The following ZNF300 variants were observed in gnomAD, a reference collection of about 807,000 sequenced individuals.
ZNF300 encodes the protein zinc finger protein 300.
A neutral mutation model predicts 13.9 loss-of-function variants in ZNF300; 6 were observed. That is an observed-to-expected ratio of 0.43 (90% confidence interval 0.24 to 0.85). The LOEUF (loss-of-function observed/expected upper bound fraction) is 0.85. Ranked by LOEUF, ZNF300 falls within the 40% of genes least tolerant of loss-of-function variation. The pLI, the probability that ZNF300 is intolerant of heterozygous loss-of-function variation, is 0.25. For synonymous variants in ZNF300, 237 were observed against 242.2 expected, an observed-to-expected ratio of 0.98 and a Z score of 0.20; for missense variants, 662 against 714.2, an observed-to-expected ratio of 0.93 and a Z score of 0.83.
intron 4 of ZNF300, 89 bp downstream of exon 4, chr5:150,898,339 C>A: frequency 6.2e-7 from 1 of 1,606,870 alleles, no homozygotes; most frequent in South Asian, 1.1e-5. Flanking sequence ...AAAGTCATGA[C>A]ATATGTCAGG....
At chr5:150,897,211 A>C in intron 5 of ZNF300, 1 of 389,100 alleles carries the variant, frequency 2.6e-6, no homozygotes, top group Non-Finnish European at 4.6e-6. Context: ...GTGGGGTCTC[A>C]TCACTAATTT....
intron 3 of ZNF300, among the ~76,000 whole-genome samples, chr5:150,900,279 G>A (rs1251274407): frequency 1.3e-5 from 2 of 151,876 alleles, no homozygotes; most frequent in Non-Finnish European, 2.9e-5. Flanking sequence ...AACCTTAGTC[G>A]ACCTTTCCAT....
At chr5:150,898,015 C>T in intron 5 of ZNF300, 47 bp downstream of exon 5, 1 of 1,586,628 alleles carries the variant, frequency 6.3e-7, no homozygotes, top group Non-Finnish European at 8.6e-7. Context: ...AAACATAAAC[C>T]TCAGGCACCA....
At chr5:150,899,410 CATTTT>C (rs1397058402) in intron 3 of ZNF300, among the ~76,000 whole-genome samples, 6 of 151,236 alleles carry the variant, frequency 4.0e-5, no homozygotes, top group Admixed American at 3.3e-4. Context: ...TTTGTAAGTA[CATTTT>C]TTTTTAAAAA....
intron 3 of ZNF300, 104 bp from the exon 4 acceptor site, chr5:150,898,658 G>GA (rs1754886458): frequency 3.0e-6 from 4 of 1,318,924 alleles, no homozygotes; most frequent in South Asian, 1.8e-5. Context: ...TAGTTTTTGG[G>GA]AAAAACAAAA....
intron 3 of ZNF300, among the ~76,000 whole-genome samples, chr5:150,899,247 A>G (rs1312516312): frequency 6.6e-6 from 1 of 152,060 alleles, no homozygotes; most frequent in Non-Finnish European, 1.5e-5. Context: ...TGTCACAGCA[A>G]TCCTAGCAAA....
In ZNF300 at chr5:150,898,069, C is replaced by G; in HGVS notation, c.258G>C (p.Gly86=). Residue 86 remains glycine, a synonymous_variant, in exon 5 of 6, where the codon GGG becomes GGC. Coordinates refer to ENST00000274599, the MANE Select transcript of ZNF300 (RefSeq NM_052860.4). ...WIYPDEYQAD[G]RQDRKSNLHN... ...AATTGATATTTCACTTCCCTTGTCT[C>G]CCATCTGCCTGATATTCATCTGGAT... The G allele has an allele frequency of 6.2e-7, 1 of 1,610,362 alleles. No individual in the cohort carries two copies. Among genetic ancestry groups the G allele is most frequent in the Non-Finnish European group, 8.5e-7 (1 of 1,178,904 alleles).
Position 150,895,430 on chromosome 5 carries a change from T to C in ZNF300, c.1809A>G (p.Lys603=), listed in dbSNP as rs998830152. ...TVHQRIHTVV[K]S is the part of the protein sequence containing the mutation. ...CTTTTCTGTGGCCAGTTCATTATGATTTTACCACTGTGTGAATTCTCTGGT... is the reference window on the plus strand; with the variant it reads ...CTTTTCTGTGGCCAGTTCATTATGACTTTACCACTGTGTGAATTCTCTGGT... The change falls in exon 6 of 6, where the codon AAA becomes AAG. Residue 603 remains lysine, a synonymous_variant. Coordinates refer to ENST00000274599, the MANE Select transcript of ZNF300 (RefSeq NM_052860.4). The C allele has an allele frequency of 3.1e-6, 5 of 1,598,408 alleles. No individual in the cohort carries two copies. Among genetic ancestry groups the C allele is most frequent in the Non-Finnish European group, 3.4e-6 (4 of 1,170,694 alleles).
intron 3 of ZNF300, among the ~76,000 whole-genome samples, chr5:150,902,050 T>C (rs1048936469): frequency 1.3e-5 from 2 of 152,106 alleles, no homozygotes; most frequent in Non-Finnish European, 2.9e-5. Context: ...TCAAAAAAGG[T>C]TTGGAAGGTT....
At chr5:150,898,346 C>T (rs1561757149) in intron 4 of ZNF300, 82 bp downstream of exon 4, 25 of 1,609,346 alleles carry the variant, frequency 1.6e-5, no homozygotes, top group Non-Finnish European at 2.0e-5. Flanking sequence ...TGACATATGT[C>T]AGGAACAATC....
chr5:150,901,058 T>C (rs1581663112), intron 3 of ZNF300, among the ~76,000 whole-genome samples: 1 of 152,038 alleles, frequency 6.6e-6, no homozygotes, highest in South Asian at 2.1e-4. Flanking sequence ...GGGAAGTAGG[T>C]GTTAAAGGCT....
chr5:150,897,242 T>C, intron 5 of ZNF300: 1 of 336,792 alleles, frequency 3.0e-6, no homozygotes, highest in Middle Eastern at 8.1e-4. Context: ...TTCTAGAATA[T>C]TTCACTTCTG....
In ZNF300 at chr5:150,895,517, T is replaced by C; in HGVS notation, c.1722A>G (p.Glu574=). The change falls in exon 6 of 6, where the codon GAA becomes GAG. Residue 574 remains glutamate (E), a synonymous_variant. Coordinates refer to ENST00000274599, the MANE Select transcript of ZNF300 (RefSeq NM_052860.4). ...CACATATAGCACATTGATAGGGTCT[T>C]TCCCCAGTATGAATCCTCTGATGTA... ...LVLHQRIHTG[E]RPYQCAICGK... 1.9e-6 allele frequency: 3 copies of C among 1,613,598 alleles called. No individual in the cohort carries two copies. Among genetic ancestry groups the C allele is most frequent in the Non-Finnish European group, 2.5e-6 (3 of 1,179,742 alleles).
Position 150,898,423 on chromosome 5 carries a change from C to T in ZNF300, c.142+5G>A, listed in dbSNP as rs762894991. 6.2e-7 allele frequency: 1 copy of T among 1,613,396 alleles called. No homozygotes were observed. The highest frequency in any genetic ancestry group is 8.5e-7 in the Non-Finnish European group (1 of 1,179,576). ...CTCTGAGTTATTCAGGGAAGCCATC[C>T]TTACCCATTGAGACCAGGTGGCTGT... On this transcript the variant is annotated splice_donor_5th_base_variant and intron_variant, in intron 4 of 5. Coordinates refer to ENST00000274599, the MANE Select transcript of ZNF300 (RefSeq NM_052860.4).
At chr5:150,901,483 T>G (rs151242368) in intron 3 of ZNF300, among the ~76,000 whole-genome samples, 1 of 152,042 alleles carries the variant, frequency 6.6e-6, no homozygotes, top group Non-Finnish European at 1.5e-5. Context: ...GGCTACTATA[T>G]TAGACAGCAC....
rs1754732408 is a variant in ZNF300 at position 150,895,660 on chromosome 5, C to G, written c.1579G>C (p.Gly527Arg). ...GEKPYICTEC[G>R]KAFSQKSHLP... ...TGGGACTTCTGAGAGAAGGCTTTCC[C>G]ACATTCAGTACATATATAAGGTTTT... The change falls in exon 6 of 6, where the codon GGG becomes CGG. Residue 527 changes from glycine to arginine, a missense_variant. Coordinates refer to ENST00000274599, the MANE Select transcript of ZNF300 (RefSeq NM_052860.4). The G allele has an allele frequency of 6.2e-7, 1 of 1,613,098 alleles. No individual in the cohort carries two copies. The highest frequency in any genetic ancestry group is 1.3e-5 in the African/African-American group (1 of 74,832).
Position 150,896,521 on chromosome 5 carries a change from G to T in ZNF300, c.718C>A (p.Pro240Thr). The T allele has an allele frequency of 1.2e-6, 2 of 1,613,590 alleles. No individual in the cohort carries two copies. Among genetic ancestry groups the T allele is most frequent in the South Asian group, 1.1e-5 (1 of 91,052 alleles). Residue 240 changes from proline (P) to threonine (T), a missense_variant, in exon 6 of 6, where the codon CCT becomes ACT. Transcript: ENST00000274599. ...TTTCCACACTGATTATCATCAAAAG[G>T]TATTACTCCATTGTGAATCTTCTCA... The part of the protein sequence containing the change: ...NLEKIHNGVI[P>T]FDDNQCGNVF...
At position 150,895,670 on chromosome 5, in the gene ZNF300, A is replaced by G; in HGVS notation, c.1569T>C (p.Cys523=). The G allele has an allele frequency of 1.2e-6, 2 of 1,613,456 alleles. No individual in the cohort carries two copies. The highest frequency in any genetic ancestry group is 1.7e-6 in the Non-Finnish European group (2 of 1,179,742). Residue 523 remains cysteine (C), a synonymous_variant, in exon 6 of 6, where the codon TGT becomes TGC. Coordinates refer to ENST00000274599, the MANE Select transcript of ZNF300 (RefSeq NM_052860.4). ...RIHTGEKPYI[C]TECGKAFSQK... ...GAGAGAAGGCTTTCCCACATTCAGT[A>G]CATATATAAGGTTTTTCTCCTGTGT...
chr5:150,898,589 T>A (rs1400803452), intron 3 of ZNF300, 35 bp from the exon 4 acceptor site: 1 of 1,545,520 alleles, frequency 6.5e-7, no homozygotes, highest in African/African-American at 1.4e-5. Context: ...TCTGAAATGA[T>A]CATTCTCATA....
Sources: allele counts gnomAD v4.1 joint callset (sites outside exome capture counted in the v4.1 genomes callset), GRCh38; gene constraint gnomAD v4.1.1; transcripts MANE v1.5; gene names NCBI Gene and HGNC (gene_info 2026-07-23, HGNC 2026-07-21).